ARK2C: variants seen among roughly 807,000 people sequenced by gnomAD.
ARK2C encodes arkadia (RNF111) C-terminal like ring finger ubiquitin ligase 2C.
chr18:46,402,441 T>C, the ARK2C span, among the ~76,000 whole-genome samples: 37 of 152,276 alleles, frequency 2.4e-4, no homozygotes, highest in Non-Finnish European at 4.8e-4. Flanking sequence ...ATCTCAATAT[T>C]GCATGGAACA....
At chr18:46,377,715 A>T in the ARK2C span, among the ~76,000 whole-genome samples, 1 of 152,228 alleles carries the variant, frequency 6.6e-6, no homozygotes, top group African/African-American at 2.4e-5. Flanking sequence ...TGAGAGATCA[A>T]TAAAGGCTTC....
chr18:46,391,470 C>T, the ARK2C span, among the ~76,000 whole-genome samples: 1 of 152,130 alleles, frequency 6.6e-6, no homozygotes, highest in Non-Finnish European at 1.5e-5. Context: ...CGCTATTCCA[C>T]CCTCAGTGTC....
chr18:46,381,286 T>A, the ARK2C span, among the ~76,000 whole-genome samples: 1 of 152,202 alleles, frequency 6.6e-6, no homozygotes, highest in African/African-American at 2.4e-5. Context: ...GGAGTCAGGT[T>A]CTGCCATGTG....
the ARK2C span, among the ~76,000 whole-genome samples, chr18:46,444,810 C>A: frequency 5.9e-5 from 9 of 152,062 alleles, no homozygotes; most frequent in Non-Finnish European, 1.3e-4. Context: ...CTTAAAGTCA[C>A]TAATCTTTTC....
At chr18:46,419,785 C>T in the ARK2C span, among the ~76,000 whole-genome samples, 2 of 152,188 alleles carry the variant, frequency 1.3e-5, no homozygotes, top group African/African-American at 4.8e-5. Context: ...CATATGGGAT[C>T]TGGCAGCTCC....
At chr18:46,337,900 G>T in the ARK2C span, among the ~76,000 whole-genome samples, 1 of 151,838 alleles carries the variant, frequency 6.6e-6, no homozygotes, top group East Asian at 1.9e-4. Flanking sequence ...GGGGCCAGTT[G>T]TCCTGTTACA....
chr18:46,385,807 T>C, the ARK2C span: 1 of 152,088 alleles, frequency 6.6e-6, no homozygotes, highest in Non-Finnish European at 1.5e-5. Context: ...GGAAAAGAGA[T>C]TTTTGCCCCC....
the ARK2C span, among the ~76,000 whole-genome samples, chr18:46,454,468 G>C: frequency 6.6e-6 from 1 of 152,172 alleles, no homozygotes. Context: ...CTGGATTCTG[G>C]ATAAGGGAAA....
At chr18:46,405,145 A>T in the ARK2C span, among the ~76,000 whole-genome samples, 5 of 152,078 alleles carry the variant, frequency 3.3e-5, no homozygotes, top group African/African-American at 1.2e-4. Context: ...TATGGTGTAC[A>T]GTGTGGCATA....
At chr18:46,447,450 G>T in the ARK2C span, 5 of 1,151,380 alleles carry the variant, frequency 4.3e-6, no homozygotes, top group Non-Finnish European at 6.4e-6. Flanking sequence ...GTTCCTTGCA[G>T]CTCTGGCAGG....
the ARK2C span, chr18:46,447,535 A>G: frequency 3.7e-6 from 6 of 1,613,722 alleles, no homozygotes; most frequent in South Asian, 2.2e-5. Flanking sequence ...ACACCACCCT[A>G]TGGTTCACTG....
the ARK2C span, among the ~76,000 whole-genome samples, chr18:46,447,020 G>T: frequency 2.6e-5 from 4 of 152,068 alleles, no homozygotes; most frequent in African/African-American, 4.8e-5. Flanking sequence ...TTAGCCATTG[G>T]TTCATCCTCA....
the ARK2C span, among the ~76,000 whole-genome samples, chr18:46,412,224 A>G: frequency 6.6e-6 from 1 of 152,220 alleles, no homozygotes; most frequent in African/African-American, 2.4e-5. Flanking sequence ...AAATCCTGCC[A>G]TGATCATATG....
At chr18:46,416,195 C>T in the ARK2C span, among the ~76,000 whole-genome samples, 4 of 152,288 alleles carry the variant, frequency 2.6e-5, no homozygotes, top group Admixed American at 1.3e-4. Context: ...AGGAAACACA[C>T]GGATCTGCAG....
chr18:46,426,413 C>T, the ARK2C span, among the ~76,000 whole-genome samples: 46 of 152,292 alleles, frequency 3.0e-4, no homozygotes, highest in East Asian at 7.7e-3. Context: ...TCCTATCCAC[C>T]CACTATCCAG....
chr18:46,435,252 C>A, the ARK2C span: 1 of 1,585,996 alleles, frequency 6.3e-7, no homozygotes, highest in East Asian at 2.2e-5. Flanking sequence ...GCCTGGGTAG[C>A]CCCTGACACG....
At chr18:46,426,803 C>A in the ARK2C span, among the ~76,000 whole-genome samples, 1 of 152,162 alleles carries the variant, frequency 6.6e-6, no homozygotes, top group African/African-American at 2.4e-5. Flanking sequence ...GTCATTTTAG[C>A]CTGGGGAAAT....
chr18:46,453,012 G>C, the ARK2C span, among the ~76,000 whole-genome samples: 1 of 152,204 alleles, frequency 6.6e-6, no homozygotes, highest in Non-Finnish European at 1.5e-5. Context: ...ACAGTGCCTG[G>C]TATCTACTAA....
At chr18:46,374,579 C>A in the ARK2C span, among the ~76,000 whole-genome samples, 20 of 152,202 alleles carry the variant, frequency 1.3e-4, no homozygotes, top group African/African-American at 4.3e-4. Flanking sequence ...CTGTGCTGCA[C>A]CCTGTGTCAG....
Sources: allele counts gnomAD v4.1 joint callset (sites outside exome capture counted in the v4.1 genomes callset), GRCh38; gene constraint gnomAD v4.1.1; transcripts MANE v1.5; gene names NCBI Gene and HGNC (gene_info 2026-07-23, HGNC 2026-07-21).